The following PRKN variants were observed in gnomAD, a reference collection of about 807,000 sequenced individuals.
PRKN encodes the protein E3 ubiquitin-protein ligase parkin.
Under a neutral mutation model 59.5 loss-of-function variants are expected in PRKN, and 56 were observed. The ratio of observed to expected loss-of-function variants is 0.94; its 90% CI spans 0.76 to 1.18. PRKN has a LOEUF of 1.18. PRKN is among the 50% of genes most tolerant of loss of function. The probability of loss-of-function intolerance (pLI) is 0.00; values close to 1 mark genes in which losing one functional copy is unlikely to be tolerated. For synonymous variants in PRKN, 250 were observed against 222.1 expected (o/e 1.13, Z -1.12); for missense variants, 657 against 596.4 (o/e 1.10, Z -1.06).
At chr6:162,272,248 C>G (rs928817303) in intron 2 of PRKN, among the ~76,000 whole-genome samples, 9 of 152,162 alleles carry the variant, frequency 5.9e-5, no homozygotes, top group African/African-American at 2.2e-4. Context: ...TGGGTTCCCT[C>G]TTTCATGAAT....
intron 7 of PRKN, 78 bp from the exon 8 acceptor site, chr6:161,569,494 T>C (rs758140556): frequency 9.2e-6 from 11 of 1,195,706 alleles, no homozygotes; most frequent in Admixed American, 1.7e-5. Flanking sequence ...GAGTTATGAC[T>C]ATCAACTGCC....
intron 7 of PRKN, among the ~76,000 whole-genome samples, chr6:161,762,966 T>TACTGAG (rs1328426359): frequency 6.6e-6 from 1 of 152,140 alleles, no homozygotes; most frequent in Non-Finnish European, 1.5e-5. Flanking sequence ...ACTGAGAGAC[T>TACTGAG]ACTGAGGACA....
intron 7 of PRKN, among the ~76,000 whole-genome samples, chr6:161,602,358 T>C (rs146610951): frequency 2.2e-4 from 34 of 152,358 alleles, no homozygotes; most frequent in South Asian, 1.7e-3. Flanking sequence ...GAAATAATCT[T>C]ACTAAAACAA....
chr6:162,551,261 T>G (rs1779321221), intron 1 of PRKN, among the ~76,000 whole-genome samples: 1 of 152,092 alleles, frequency 6.6e-6, no homozygotes, highest in Admixed American at 6.6e-5. Context: ...GGTATAAATC[T>G]CACCCACCAG....
At chr6:161,374,791 T>C (rs1165141051) in intron 10 of PRKN, among the ~76,000 whole-genome samples, 1 of 136,250 alleles carries the variant, frequency 7.3e-6, no homozygotes, top group Admixed American at 7.9e-5. Context: ...TATAAAAATA[T>C]TTTCCACATT....
intron 9 of PRKN, among the ~76,000 whole-genome samples, chr6:161,509,938 T>C (rs780041032): frequency 2.9e-5 from 4 of 137,236 alleles, no homozygotes; most frequent in Non-Finnish European, 4.8e-5. Context: ...AATTTAAATA[T>C]AAAATGGCTT....
At chr6:161,351,532 C>G (rs955492631) in intron 11 of PRKN, among the ~76,000 whole-genome samples, 8 of 152,108 alleles carry the variant, frequency 5.3e-5, no homozygotes, top group African/African-American at 1.9e-4. Flanking sequence ...GCCATGTTGG[C>G]CAGGCTGGTC....
At chr6:161,774,421 C>T (rs1333241812) in intron 7 of PRKN, among the ~76,000 whole-genome samples, 4 of 139,912 alleles carry the variant, frequency 2.9e-5, no homozygotes, top group African/African-American at 9.9e-5. Context: ...CACACACACA[C>T]ACACACACAC....
At position 161,362,906 on chromosome 6, in the gene PRKN, C is replaced by T. The variant is rs557331870; in HGVS notation, c.1168-2701G>A. On this transcript the variant is annotated intron_variant, in intron 10 of 11. Coordinates refer to ENST00000366898, the MANE Select transcript of PRKN (RefSeq NM_004562.3). The surrounding 1 kb of genome is among the most constrained non-coding windows in gnomAD (Gnocchi z 5.2). ...GAAAGTCACAGAATTACAGAAACTA[C>T]AGAATCTAACCAGCAAAGGTTGTAG... Among the ~76,000 whole-genome samples the T allele has an allele frequency of 7.3e-4, 111 of 152,290 alleles. No individual in the cohort carries two copies. The highest frequency in any genetic ancestry group is 2.6e-3 in the African/African-American group (109 of 41,548).
At chr6:161,912,320 A>G (rs992042645) in intron 6 of PRKN, among the ~76,000 whole-genome samples, 1 of 152,124 alleles carries the variant, frequency 6.6e-6, no homozygotes, top group African/African-American at 2.4e-5. Context: ...AACTATTTCT[A>G]TGGCAACGTA....
At chr6:161,474,113 A>G (rs1056063237) in intron 9 of PRKN, among the ~76,000 whole-genome samples, 1 of 152,184 alleles carries the variant, frequency 6.6e-6, no homozygotes, top group African/African-American at 2.4e-5. Context: ...ACTTACCAGT[A>G]AGTCACTCCA....
intron 1 of PRKN, among the ~76,000 whole-genome samples, chr6:162,458,717 C>G (rs1416495062): frequency 1.3e-5 from 2 of 149,288 alleles, no homozygotes; most frequent in Non-Finnish European, 3.0e-5. Context: ...ATTTTCCATG[C>G]AACAATAGGA....
chr6:161,939,231 A>G (rs1374475568), intron 6 of PRKN, among the ~76,000 whole-genome samples: 3 of 151,642 alleles, frequency 2.0e-5, no homozygotes, highest in African/African-American at 7.3e-5. Context: ...CAGCATGGCC[A>G]ACATGGTGAA....
chr6:161,481,953 T>C (rs1179031521), intron 9 of PRKN, among the ~76,000 whole-genome samples: 2 of 145,546 alleles, frequency 1.4e-5, no homozygotes, highest in African/African-American at 5.0e-5. Flanking sequence ...ATTGAGTTTG[T>C]TGGAGTCACT....
At chr6:162,321,705 C>G (rs1377531304) in intron 2 of PRKN, among the ~76,000 whole-genome samples, 1 of 151,768 alleles carries the variant, frequency 6.6e-6, no homozygotes, top group Non-Finnish European at 1.5e-5. Flanking sequence ...TTGATTTAAC[C>G]TTTGAAAATC....
rs149488302 is a variant in PRKN at position 161,576,660 on chromosome 6, A to G, written c.872-7244T>C. Among the ~76,000 whole-genome samples, 457 of 152,358 alleles carry G rather than the reference A, an allele frequency of 3.0e-3. 3 individuals carry two copies. Among genetic ancestry groups the G allele is most frequent in the South Asian group, 0.016 (78 of 4,830 alleles). On this transcript the variant is annotated intron_variant, in intron 7 of 11. Coordinates refer to ENST00000366898, the MANE Select transcript of PRKN (RefSeq NM_004562.3). The surrounding 1 kb of genome is among the most constrained non-coding windows in gnomAD (Gnocchi z 4.6). ...TCTAAAGGGGCGAGAGACAATAAAA[A>G]TAAACTAATAAGTAGGTAAATGAAG...
At chr6:161,860,845 G>T (rs1233942324) in intron 6 of PRKN, among the ~76,000 whole-genome samples, 1 of 152,136 alleles carries the variant, frequency 6.6e-6, no homozygotes, top group African/African-American at 2.4e-5. Flanking sequence ...ATCATCACTG[G>T]TCATTAGAGA....
intron 4 of PRKN, among the ~76,000 whole-genome samples, chr6:162,098,301 C>T (rs1779829713): frequency 6.6e-6 from 1 of 152,072 alleles, no homozygotes; most frequent in South Asian, 2.1e-4. Context: ...TTACCTGTGA[C>T]CATCAGAAAT....
chr6:162,666,110 G>A lies in PRKN; in HGVS notation c.7+61552C>T, dbSNP rs376668386. Among the ~76,000 whole-genome samples the A allele has an allele frequency of 5.9e-4, 90 of 152,208 alleles. 2 individuals carry two copies. The South Asian group carries it at 0.018, about 31-fold the overall frequency. ...AAGAAAATCTAGGCAATACCATTCA[G>A]GACATAGGCATGGGCAAAGACTTTT... On this transcript the variant is annotated intron_variant, in intron 1 of 11. Transcript: ENST00000366898.
Sources: allele counts gnomAD v4.1 joint callset (sites outside exome capture counted in the v4.1 genomes callset), GRCh38; gene constraint gnomAD v4.1.1; non-coding constraint Gnocchi (gnomAD v3.1); transcripts MANE v1.5; gene names NCBI Gene and HGNC (gene_info 2026-07-23, HGNC 2026-07-21).